SPMIP4: variants seen among roughly 807,000 people sequenced by gnomAD.
The protein encoded by SPMIP4 is sperm-associated microtubule inner protein 4.
At chr7:25,168,280 T>C in the SPMIP4 span, 1 of 1,591,412 alleles carries the variant, frequency 6.3e-7, no homozygotes, top group Middle Eastern at 1.7e-4. Flanking sequence ...TGGCAGAAAG[T>C]TTATTTACCT....
At chr7:25,139,625 T>C in the SPMIP4 span, among the ~76,000 whole-genome samples, 1 of 152,150 alleles carries the variant, frequency 6.6e-6, no homozygotes, top group Non-Finnish European at 1.5e-5. Flanking sequence ...AATTTCCATA[T>C]TGAGGTAACA....
At chr7:25,160,684 C>T in the SPMIP4 span, among the ~76,000 whole-genome samples, 123 of 152,256 alleles carry the variant, frequency 8.1e-4, no homozygotes, top group African/African-American at 2.8e-3. Flanking sequence ...AAATAATACA[C>T]TTGAAAAGAA....
the SPMIP4 span, among the ~76,000 whole-genome samples, chr7:25,166,230 C>CGTCTTTTT: frequency 1.4e-5 from 1 of 69,270 alleles, no homozygotes; most frequent in East Asian, 2.8e-4. Flanking sequence ...TTCTTTCCGT[C>CGTCTTTTT]TTCTTTTTTT....
At chr7:25,129,748 T>C in the SPMIP4 span, among the ~76,000 whole-genome samples, 1 of 151,912 alleles carries the variant, frequency 6.6e-6, no homozygotes, top group Non-Finnish European at 1.5e-5. Context: ...TGGAGAGGAG[T>C]TATTAGACTA....
the SPMIP4 span, among the ~76,000 whole-genome samples, chr7:25,162,642 C>A: frequency 6.6e-6 from 1 of 152,050 alleles, no homozygotes; most frequent in Non-Finnish European, 1.5e-5. Context: ...ATATAGATGG[C>A]CGGGAGTGTG....
the SPMIP4 span, among the ~76,000 whole-genome samples, chr7:25,142,034 C>T: frequency 6.6e-6 from 1 of 152,198 alleles, no homozygotes; most frequent in African/African-American, 2.4e-5. Context: ...CTGCGCCTGG[C>T]CCAAGAAAAG....
the SPMIP4 span, among the ~76,000 whole-genome samples, chr7:25,143,773 C>T: frequency 7.1e-3 from 1,077 of 151,946 alleles, 3 homozygotes; most frequent in Middle Eastern, 0.017. Flanking sequence ...TTAAAAAATA[C>T]TTTTTGTAGA....
At chr7:25,152,467 T>C in the SPMIP4 span, among the ~76,000 whole-genome samples, 1 of 152,226 alleles carries the variant, frequency 6.6e-6, no homozygotes, top group African/African-American at 2.4e-5. Context: ...TGCCAGTCAC[T>C]GTACTGTTTT....
At chr7:25,128,376 C>T in the SPMIP4 span, among the ~76,000 whole-genome samples, 3 of 152,206 alleles carry the variant, frequency 2.0e-5, no homozygotes, top group African/African-American at 4.8e-5. This position sits in a 1 kb window ranked among gnomAD's most constrained non-coding sequence, Gnocchi z 4.5. Flanking sequence ...ACCTGGTACT[C>T]TATTCCACTG....
the SPMIP4 span, among the ~76,000 whole-genome samples, chr7:25,147,766 T>C: frequency 6.6e-6 from 1 of 152,212 alleles, no homozygotes; most frequent in Admixed American, 6.5e-5. Context: ...GCAGCTAATA[T>C]TTATTATGAA....
At chr7:25,133,655 A>G in the SPMIP4 span, among the ~76,000 whole-genome samples, 15 of 152,300 alleles carry the variant, frequency 9.8e-5, no homozygotes, top group East Asian at 2.9e-3. Context: ...TAGTAGAGTA[A>G]CGCTTTTTGT....
chr7:25,144,626 T>G, the SPMIP4 span, among the ~76,000 whole-genome samples: 1 of 152,152 alleles, frequency 6.6e-6, no homozygotes, highest in Non-Finnish European at 1.5e-5. Flanking sequence ...AAGATCATGG[T>G]CAGGGGAGGG....
chr7:25,141,958 G>A, the SPMIP4 span, among the ~76,000 whole-genome samples: 7 of 152,096 alleles, frequency 4.6e-5, no homozygotes, highest in East Asian at 7.7e-4. Context: ...GGCTGGTCTC[G>A]AACTCCTGAC....
At chr7:25,169,112 A>G in the SPMIP4 span, among the ~76,000 whole-genome samples, 41 of 151,758 alleles carry the variant, frequency 2.7e-4, 1 homozygote, top group South Asian at 6.3e-3. Flanking sequence ...AATTCAGGCC[A>G]GGTGCAGTGG....
At chr7:25,156,701 T>G in the SPMIP4 span, among the ~76,000 whole-genome samples, 2 of 152,140 alleles carry the variant, frequency 1.3e-5, no homozygotes, top group Non-Finnish European at 2.9e-5. Flanking sequence ...ATTACTATTA[T>G]TTTTGAGACA....
At chr7:25,129,477 C>T in the SPMIP4 span, among the ~76,000 whole-genome samples, 4 of 152,192 alleles carry the variant, frequency 2.6e-5, no homozygotes, top group Non-Finnish European at 5.9e-5. Context: ...CACACTGATT[C>T]TCTATGCCAT....
the SPMIP4 span, chr7:25,135,840 G>A: frequency 2.2e-6 from 3 of 1,389,724 alleles, no homozygotes; most frequent in Non-Finnish European, 2.8e-6. Flanking sequence ...TTAAATTCCT[G>A]AAAATGTAAA....
the SPMIP4 span, chr7:25,142,424 G>A: frequency 9.9e-7 from 1 of 1,009,934 alleles, no homozygotes; most frequent in Non-Finnish European, 1.4e-6. Context: ...CATTCCTTTT[G>A]TAATATAATT....
At chr7:25,135,725 A>T in the SPMIP4 span, 1 of 1,072,400 alleles carries the variant, frequency 9.3e-7, no homozygotes, top group Non-Finnish European at 1.2e-6. Flanking sequence ...ATGAGAGATT[A>T]AAGACTATAA....
Sources: gnomAD v4.1 joint callset for allele counts (sites outside exome capture counted in the v4.1 genomes callset) on GRCh38, gnomAD v4.1.1 for gene constraint, Gnocchi (gnomAD v3.1) non-coding constraint, MANE v1.5 for transcripts, NCBI Gene and HGNC (gene_info 2026-07-23, HGNC 2026-07-21) for gene names.